Variants in TNFRSF1B observed in about 807,000 individuals in gnomAD.
TNFRSF1B encodes tumor necrosis factor receptor superfamily member 1B.
Under a neutral mutation model 44.6 loss-of-function variants are expected in TNFRSF1B, and 19 were observed. The ratio of observed to expected loss-of-function variants is 0.43; its 90% CI spans 0.30 to 0.62. The LOEUF (loss-of-function observed/expected upper bound fraction) is 0.62, where lower values mean the gene tolerates loss of function less well. Among genes scored for constraint, TNFRSF1B ranks in the 20% least tolerant of loss-of-function variants. The pLI is 0.16. For missense variants in TNFRSF1B, 541 were observed against 619.9 expected, an observed-to-expected ratio of 0.87 and a Z score of 1.35; for synonymous variants, 252 against 261.1, an observed-to-expected ratio of 0.97 and a Z score of 0.34.
In TNFRSF1B at chr1:12,183,850, T is replaced by TCTATCTATCTATCTATCTATCTAC. The variant is rs1390376605; in HGVS notation, c.79-4943_79-4942insTCTATCTATCTATCTATCTACCTA. 1.5e-3 allele frequency among the ~76,000 whole-genome samples: 209 copies of TCTATCTATCTATCTATCTATCTAC among 137,446 alleles called. 1 individual carries two copies. Among genetic ancestry groups the TCTATCTATCTATCTATCTATCTAC allele is most frequent in the African/African-American group, 5.2e-3 (202 of 38,834 alleles). 90.2% of individuals were successfully genotyped at this position (137,446 alleles called of 152,430 possible). On this transcript the variant is annotated intron_variant, in intron 1 of 9. Transcript: ENST00000376259. ...ACCTATCTATCTATCTATCTATCTA[T>TCTATCTATCTATCTATCTATCTAC]CTACCTACCTACCTACCTACATATC...
intron 1 of TNFRSF1B, 90 bp from the exon 2 acceptor site, chr1:12,188,706 C>G: frequency 8.0e-7 from 1 of 1,247,670 alleles, no homozygotes; most frequent in Non-Finnish European, 1.2e-6. Flanking sequence ...GGGGGAGGGC[C>G]AAACATTTGC....
intron 1 of TNFRSF1B, among the ~76,000 whole-genome samples, chr1:12,172,604 C>T (rs1415457442): frequency 6.6e-6 from 1 of 152,214 alleles, no homozygotes; most frequent in African/African-American, 2.4e-5. Flanking sequence ...TGCAGTTGCC[C>T]AGAGTTCCTG....
Position 12,191,123 on chromosome 1 carries a change from C to G in TNFRSF1B, c.307+38C>G, listed in dbSNP as rs1309155724. The G allele has an allele frequency of 2.5e-6, 4 of 1,600,038 alleles. No individual in the cohort carries two copies. In the East Asian group the frequency reaches 9.0e-5, roughly 36 times the overall value. On this transcript the variant is annotated intron_variant, in intron 3 of 9. Coordinates refer to ENST00000376259, the MANE Select transcript of TNFRSF1B (RefSeq NM_001066.3). ...AGAGAAAAAGGGGGCCCTTACACCCCTGCCTCCAACTTCCCCCGGCAACTC... is the reference window on the plus strand; with the variant it reads ...AGAGAAAAAGGGGGCCCTTACACCCGTGCCTCCAACTTCCCCCGGCAACTC...
chr1:12,167,492 AC>A, intron 1 of TNFRSF1B: 1 of 433,306 alleles, frequency 2.3e-6, no homozygotes, highest in South Asian at 2.2e-5. Flanking sequence ...TCCTGGGCAG[AC>A]CCCCGCTAGA....
In TNFRSF1B at chr1:12,193,069, G is replaced by A; in HGVS notation, c.758G>A (p.Gly253Glu). ...LPMGPSPPAE[G>E]STGDFALPVG... is the part of the protein sequence containing the mutation. Reference sequence around the variant, plus strand: ...ATGGGCCCCAGCCCCCCAGCTGAAGGGAGCACTGGCGACTTCGCTCTTCCA... The same window carrying A: ...ATGGGCCCCAGCCCCCCAGCTGAAGAGAGCACTGGCGACTTCGCTCTTCCA... Residue 253 changes from glycine to glutamate, a missense_variant, in exon 6 of 10, where the codon GGG becomes GAG. Coordinates refer to ENST00000376259, the MANE Select transcript of TNFRSF1B (RefSeq NM_001066.3). 6.2e-7 allele frequency: 1 copy of A among 1,614,138 alleles called. No homozygotes were observed. The highest frequency in any genetic ancestry group is 8.5e-7 in the Non-Finnish European group (1 of 1,180,030).
rs1165829225 is a variant in TNFRSF1B, at chr1:12,196,337, TCTTA to T, written c.900+1724_900+1727del. 3.3e-5 allele frequency among the ~76,000 whole-genome samples: 5 copies of T among 152,076 alleles called. No individual in the cohort carries two copies. In the East Asian group the frequency reaches 7.7e-4, roughly 23 times the overall value. Reference sequence around the variant, plus strand: ...TAAAATAAAATAAATAAATAAAATATCTTACTTAGTTGTGGGGGCTGTCCCGTGC... The same window carrying T: ...TAAAATAAAATAAATAAATAAAATATCTTAGTTGTGGGGGCTGTCCCGTGC... On this transcript the variant is annotated intron_variant, in intron 8 of 9. Coordinates refer to ENST00000376259, the MANE Select transcript of TNFRSF1B (RefSeq NM_001066.3).
intron 1 of TNFRSF1B, 118 bp from the exon 2 acceptor site, chr1:12,188,678 C>A: frequency 1.1e-6 from 1 of 914,008 alleles, no homozygotes; most frequent in Non-Finnish European, 1.7e-6. Flanking sequence ...CCCCAGCCAT[C>A]ATCAGTGCAG....
chr1:12,197,721 TC>T (rs1430436131), intron 8 of TNFRSF1B, among the ~76,000 whole-genome samples: 1 of 152,196 alleles, frequency 6.6e-6, no homozygotes, highest in Non-Finnish European at 1.5e-5. Flanking sequence ...TGGAGAGTCC[TC>T]TTGAGCTGGG....
Position 12,169,084 on chromosome 1 carries a change from C to A in TNFRSF1B, c.78+1915C>A, listed in dbSNP as rs1413735070. Among the ~76,000 whole-genome samples, 5 of 152,230 alleles carry A rather than the reference C, an allele frequency of 3.3e-5. No homozygotes were observed. On this transcript the variant is annotated intron_variant, in intron 1 of 9. Transcript: ENST00000376259. This position sits in a 1 kb window ranked among gnomAD's most constrained non-coding sequence, Gnocchi z 4.5. ...CACTTCTTACCCCTATCCTTCAAGG[C>A]CTTCTGCAAATGCCATTCTCTCCAG...
chr1:12,170,636 A>G (rs1638500615), intron 1 of TNFRSF1B, among the ~76,000 whole-genome samples: 1 of 151,148 alleles, frequency 6.6e-6, no homozygotes, highest in South Asian at 2.1e-4. Flanking sequence ...CATGGCATGT[A>G]TGTTACACCC....
Position 12,168,814 on chromosome 1 carries a change from G to A in TNFRSF1B, c.78+1645G>A, listed in dbSNP as rs971250320. On this transcript the variant is annotated intron_variant, in intron 1 of 9. Transcript: ENST00000376259. The surrounding 1 kb of genome is among the most constrained non-coding windows in gnomAD (Gnocchi z 4.7). ...GTCTCCCGGCCCTGCCCCCTCTCCC[G>A]CTGATCCTTGGCAGAGAGACCCTTC... Among the ~76,000 whole-genome samples, 1 of 152,032 alleles carries A rather than the reference G, an allele frequency of 6.6e-6. No homozygotes were observed. The highest frequency in any genetic ancestry group is 1.5e-5 in the Non-Finnish European group (1 of 67,988).
At chr1:12,191,957 C>T (rs1399489650) in intron 4 of TNFRSF1B, 34 bp downstream of exon 4, 1 of 1,595,712 alleles carries the variant, frequency 6.3e-7, no homozygotes, top group South Asian at 1.1e-5. Context: ...TGGGGACGCC[C>T]ATGGGCCTCT....
chr1:12,188,470 C>T lies in TNFRSF1B; in HGVS notation c.79-326C>T, dbSNP rs17884281. On this transcript the variant is annotated intron_variant, in intron 1 of 9. Transcript: ENST00000376259. ...AGGGCAGCTTTGTGCTGAGAACCCC[C>T]GTTCTCTGTGACCAAGGCCACTGTC... is the stretch of plus-strand genomic sequence containing the variant. 5.9e-3 allele frequency among the ~76,000 whole-genome samples: 893 copies of T among 152,276 alleles called. 11 individuals carry two copies. The highest frequency in any genetic ancestry group is 0.02 in the African/African-American group (836 of 41,546).
At chr1:12,198,538 G>T (rs1387993203) in intron 8 of TNFRSF1B, among the ~76,000 whole-genome samples, 3 of 152,144 alleles carry the variant, frequency 2.0e-5, no homozygotes, top group Non-Finnish European at 2.9e-5. Flanking sequence ...ACAGGTGTGT[G>T]AGCCTTGTGA....
rs779058680 is a variant in TNFRSF1B at position 12,169,993 on chromosome 1, T to C, written c.78+2824T>C. Among the ~76,000 whole-genome samples, 4 of 151,730 alleles carry C rather than the reference T, an allele frequency of 2.6e-5. No homozygotes were observed. Among genetic ancestry groups the C allele is most frequent in the Non-Finnish European group, 4.4e-5 (3 of 67,890 alleles). On this transcript the variant is annotated intron_variant, in intron 1 of 9. Coordinates refer to ENST00000376259, the MANE Select transcript of TNFRSF1B (RefSeq NM_001066.3). The surrounding 1 kb of genome is among the most constrained non-coding windows in gnomAD (Gnocchi z 4.5). ...TCCCAGGCTGGATGTCAAAGAGGAG[T>C]TGGGTGATCTGGGGTACCTGCTGGC...
chr1:12,202,123 G>T lies in TNFRSF1B; in HGVS notation c.1057G>T (p.Val353Leu). ...PTRNQPQAPG[V>L]EASGAGEARA... Reference sequence around the variant, plus strand: ...TCGGAACCAGCCACAGGCACCAGGCGTGGAGGCCAGTGGGGCCGGGGAGGC... The same window carrying T: ...TCGGAACCAGCCACAGGCACCAGGCTTGGAGGCCAGTGGGGCCGGGGAGGC... The change falls in exon 9 of 10, where the codon GTG (valine) becomes TTG (leucine). Residue 353 changes from valine to leucine, a missense_variant. Coordinates refer to ENST00000376259, the MANE Select transcript of TNFRSF1B (RefSeq NM_001066.3). The T allele has an allele frequency of 6.4e-7, 1 of 1,563,494 alleles. No homozygotes were observed. Among genetic ancestry groups the T allele is most frequent in the Non-Finnish European group, 8.7e-7 (1 of 1,154,390 alleles).
At position 12,178,292 on chromosome 1, in the gene TNFRSF1B, GA is replaced by G. The variant is rs2101085056; in HGVS notation, c.79-10503del. 6.6e-6 allele frequency among the ~76,000 whole-genome samples: 1 copy of G among 152,348 alleles called. No homozygotes were observed. Among genetic ancestry groups the G allele is most frequent in the African/African-American group, 2.4e-5 (1 of 41,570 alleles). On this transcript the variant is annotated intron_variant, in intron 1 of 9. Transcript: ENST00000376259. This position sits in a 1 kb window ranked among gnomAD's most constrained non-coding sequence, Gnocchi z 4.3. The stretch of plus-strand genomic sequence containing the variant: ...GTGTGCTGGCTGTGTGTAGGGTGAT[GA>G]GTAGCAGAAGCACGGGTGACACTGA...
At chr1:12,201,436 C>T (rs1639388366) in intron 8 of TNFRSF1B, among the ~76,000 whole-genome samples, 1 of 151,354 alleles carries the variant, frequency 6.6e-6, no homozygotes, top group African/African-American at 2.4e-5. Flanking sequence ...TCACAACAAC[C>T]CTATGAGGTA....
chr1:12,191,284 A>C (rs5746017), intron 3 of TNFRSF1B, among the ~76,000 whole-genome samples, 199 bp downstream of exon 3: 7,654 of 152,342 alleles, frequency 0.05, 279 homozygotes, highest in African/African-American at 0.1. Flanking sequence ...CCCACGGGGC[A>C]GGCGGTGGGA....
Sources: allele counts gnomAD v4.1 joint callset (sites outside exome capture counted in the v4.1 genomes callset), GRCh38; gene constraint gnomAD v4.1.1; non-coding constraint Gnocchi (gnomAD v3.1); transcripts MANE v1.5; gene names NCBI Gene and HGNC (gene_info 2026-07-23, HGNC 2026-07-21).